Variants in GRID2 observed in about 807,000 individuals in gnomAD.
GRID2 encodes the protein glutamate receptor ionotropic, delta-2.
A neutral mutation model predicts 114.8 loss-of-function variants in GRID2; 33 were observed. The observed-to-expected ratio is 0.29, with a 90% CI of 0.22 to 0.38. GRID2 has a LOEUF of 0.38. Ranked by LOEUF, GRID2 falls within the 10% of genes least tolerant of loss-of-function variation. The probability of loss-of-function intolerance (pLI) is 1.00; values close to 1 mark genes in which losing one functional copy is unlikely to be tolerated. For synonymous variants in GRID2, 505 were observed against 449.9 expected, an observed-to-expected ratio of 1.12 and a Z score of -1.55; for missense variants, 1,184 against 1,257.7, an observed-to-expected ratio of 0.94 and a Z score of 0.89.
chr4:92,500,253 A>C (rs923534510), intron 1 of GRID2, among the ~76,000 whole-genome samples: 1 of 151,912 alleles, frequency 6.6e-6, no homozygotes, highest in Non-Finnish European at 1.5e-5. Context: ...CACTTTAAAA[A>C]ATTTTTTCTT....
chr4:93,507,950 A>C (rs1440047999), intron 12 of GRID2, among the ~76,000 whole-genome samples: 2 of 152,092 alleles, frequency 1.3e-5, no homozygotes, highest in Admixed American at 1.3e-4. Context: ...TTCTTTAAAA[A>C]TGAACAATGA....
chr4:93,790,272 A>C (rs1446418428), intron 1 of GRID2, among the ~76,000 whole-genome samples: 5 of 152,194 alleles, frequency 3.3e-5, no homozygotes, highest in African/African-American at 9.7e-5. Flanking sequence ...TTCTCTGTAC[A>C]TAGCCAAAAT....
intron 8 of GRID2, among the ~76,000 whole-genome samples, chr4:93,348,053 A>G (rs897362352): frequency 6.6e-6 from 1 of 152,164 alleles, no homozygotes; most frequent in African/African-American, 2.4e-5. Context: ...TAAACCAGAA[A>G]ATTGGATACT....
At chr4:93,444,347 G>C (rs1721896359) in intron 10 of GRID2, among the ~76,000 whole-genome samples, 1 of 151,978 alleles carries the variant, frequency 6.6e-6, no homozygotes, top group Non-Finnish European at 1.5e-5. Context: ...GCTAAAGAGG[G>C]AGCTAGGAGA....
chr4:93,032,318 T>C (rs772726467), intron 2 of GRID2, among the ~76,000 whole-genome samples: 2 of 152,122 alleles, frequency 1.3e-5, no homozygotes. Context: ...AAAAAGAAGA[T>C]AGAACTGAAC....
intron 14 of GRID2, among the ~76,000 whole-genome samples, chr4:93,745,817 A>G (rs1188432466): frequency 6.6e-6 from 1 of 152,138 alleles, no homozygotes; most frequent in Non-Finnish European, 1.5e-5. Context: ...ATTTTATTTT[A>G]TTTCTTTTTT....
intron 2 of GRID2, among the ~76,000 whole-genome samples, chr4:92,846,376 G>A (rs1212381433): frequency 4.6e-5 from 7 of 152,146 alleles, no homozygotes; most frequent in South Asian, 2.1e-4. Context: ...TTATGTCTAT[G>A]TGTACCCAGT....
rs560721496 is a variant in GRID2 at position 92,972,114 on chromosome 4, C to A, written c.245-112881C>A. On this transcript the variant is annotated intron_variant, in intron 2 of 15. Coordinates refer to ENST00000282020, the MANE Select transcript of GRID2 (RefSeq NM_001510.4). ...ACTTTTAGTTTTTTTTTCTCAGAAA[C>A]TTCCATACTGTTCTCCATAGCAGCT... Among the ~76,000 whole-genome samples the A allele has an allele frequency of 1.4e-3, 210 of 151,764 alleles. 1 individual carries two copies. The highest frequency in any genetic ancestry group is 4.9e-3 in the African/African-American group (202 of 41,386).
At chr4:92,755,252 C>A (rs924074728) in intron 2 of GRID2, among the ~76,000 whole-genome samples, 4 of 152,118 alleles carry the variant, frequency 2.6e-5, no homozygotes, top group African/African-American at 9.7e-5. Context: ...TTAATCTATA[C>A]CTATTGTTAT....
intron 1 of GRID2, among the ~76,000 whole-genome samples, chr4:92,490,629 G>A (rs1347724485): frequency 2.0e-5 from 3 of 152,056 alleles, no homozygotes; most frequent in African/African-American, 4.8e-5. Flanking sequence ...AATTACCGTG[G>A]TACATTCATT....
intron 1 of GRID2, among the ~76,000 whole-genome samples, chr4:92,364,412 C>T (rs1421177648): frequency 1.3e-5 from 2 of 151,972 alleles, no homozygotes; most frequent in Non-Finnish European, 2.9e-5. Flanking sequence ...TTTCTTAAAG[C>T]ATAGTTGTTT....
intron 2 of GRID2, among the ~76,000 whole-genome samples, chr4:92,820,543 T>C (rs1341777796): frequency 6.6e-6 from 1 of 152,134 alleles, no homozygotes; most frequent in African/African-American, 2.4e-5. Context: ...GGTTTGCTTA[T>C]GGTACTTACT....
chr4:92,811,657 T>A (rs1049035962), intron 2 of GRID2, among the ~76,000 whole-genome samples: 4 of 152,076 alleles, frequency 2.6e-5, no homozygotes, highest in African/African-American at 9.7e-5. Context: ...TTGACCTATA[T>A]GATTTTTTTC....
chr4:93,360,863 A>G (rs1347043351), intron 8 of GRID2, among the ~76,000 whole-genome samples: 2 of 151,282 alleles, frequency 1.3e-5, no homozygotes, highest in Admixed American at 6.6e-5. Context: ...AATTTTGTCT[A>G]TATTTTTTCT....
intron 2 of GRID2, among the ~76,000 whole-genome samples, chr4:92,912,677 T>C (rs1376266892): frequency 6.6e-6 from 1 of 151,786 alleles, no homozygotes; most frequent in Non-Finnish European, 1.5e-5. Flanking sequence ...ATTTGTTGAG[T>C]GGTATTTAAA....
At chr4:92,625,745 T>G (rs1730491210) in intron 2 of GRID2, among the ~76,000 whole-genome samples, 1 of 151,962 alleles carries the variant, frequency 6.6e-6, no homozygotes, top group South Asian at 2.1e-4. Flanking sequence ...TGGTACAAAG[T>G]GATTCTTATG....
chr4:92,442,531 G>C (rs1413538119), intron 1 of GRID2, among the ~76,000 whole-genome samples: 1 of 152,092 alleles, frequency 6.6e-6, no homozygotes, highest in Admixed American at 6.5e-5. Flanking sequence ...TCTCACAGTG[G>C]AGGCAAGGAA....
At chr4:93,114,877 A>C (rs1468222659) in intron 4 of GRID2, among the ~76,000 whole-genome samples, 1 of 152,278 alleles carries the variant, frequency 6.6e-6, no homozygotes, top group Non-Finnish European at 1.5e-5. Flanking sequence ...GGCAGCATAT[A>C]ATTAAATATT....
chr4:93,778,026 TAAAC>T (rs145642969), downstream of GRID2, among the ~76,000 whole-genome samples: 314 of 152,190 alleles, frequency 2.1e-3, 1 homozygote, highest in African/African-American at 6.6e-3. Context: ...ATTTGAAAAA[TAAAC>T]AAATACAGCT....
Sources: allele counts gnomAD v4.1 joint callset (sites outside exome capture counted in the v4.1 genomes callset), GRCh38; gene constraint gnomAD v4.1.1; transcripts MANE v1.5; gene names NCBI Gene and HGNC (gene_info 2026-07-23, HGNC 2026-07-21).